Variants in ARMC3 observed in about 807,000 individuals in gnomAD.
The protein encoded by ARMC3 is armadillo repeat containing 3, also known as armadillo repeat-containing protein 3.
In ARMC3, 74 loss-of-function variants were observed where a neutral mutation model predicts 90.3. That is an observed-to-expected ratio of 0.82 (90% CI 0.68 to 0.99). The LOEUF (loss-of-function observed/expected upper bound fraction) is 0.99, where lower values mean the gene tolerates loss of function less well. Among genes scored for constraint, ARMC3 ranks in the 50% least tolerant of loss-of-function variants. The probability of loss-of-function intolerance (pLI) is 0.00; values close to 1 mark genes in which losing one functional copy is unlikely to be tolerated. For synonymous variants in ARMC3, 334 were observed against 361.8 expected, an observed-to-expected ratio of 0.92 and a Z score of 0.87; for missense variants, 958 against 1,042.8, an observed-to-expected ratio of 0.92 and a Z score of 1.12.
intron 10 of ARMC3, among the ~76,000 whole-genome samples, chr10:22,986,002 C>T (rs1322467404): frequency 6.6e-6 from 1 of 152,004 alleles, no homozygotes; most frequent in Non-Finnish European, 1.5e-5. Context: ...AACGCTCCTT[C>T]CCTGCTGCCC....
At chr10:23,012,636 T>C (rs547235219) in intron 16 of ARMC3, among the ~76,000 whole-genome samples, 5 of 152,170 alleles carry the variant, frequency 3.3e-5, no homozygotes, top group Non-Finnish European at 5.9e-5. Flanking sequence ...CAATCACCCA[T>C]GCCTAGGAAC....
chr10:23,030,950 C>T, intron 17 of ARMC3, 154 bp downstream of exon 17: 1 of 839,572 alleles, frequency 1.2e-6, no homozygotes, highest in Non-Finnish European at 1.8e-6. Flanking sequence ...TGGAAAAGTC[C>T]TCAACTTCTA....
At chr10:22,992,970 T>C (rs1434530655) in intron 10 of ARMC3, among the ~76,000 whole-genome samples, 1 of 133,752 alleles carries the variant, frequency 7.5e-6, no homozygotes, top group Non-Finnish European at 1.6e-5. Context: ...CGCCAATATG[T>C]CTTCCTTGGT....
chr10:23,028,353 A>C (rs940681239), intron 16 of ARMC3, among the ~76,000 whole-genome samples: 1 of 116,268 alleles, frequency 8.6e-6, no homozygotes, highest in Admixed American at 9.2e-5. Flanking sequence ...ATTTATTTCT[A>C]AGATTTTTAT....
chr10:22,965,726 TTAAA>T (rs1484821117), intron 7 of ARMC3, among the ~76,000 whole-genome samples: 1 of 152,204 alleles, frequency 6.6e-6, no homozygotes, highest in Non-Finnish European at 1.5e-5. Context: ...ATTTTTTAGA[TTAAA>T]TAACGTCTTT....
chr10:22,968,105 A>G (rs1835517863), intron 7 of ARMC3, among the ~76,000 whole-genome samples: 1 of 152,198 alleles, frequency 6.6e-6, no homozygotes, highest in African/African-American at 2.4e-5. Flanking sequence ...ATTTTGGAGT[A>G]AGGGAAAGGA....
intron 8 of ARMC3, among the ~76,000 whole-genome samples, chr10:22,970,245 G>A (rs1835623555): frequency 6.6e-6 from 1 of 152,192 alleles, no homozygotes. Context: ...GGTCAAAGAA[G>A]GTTCAGATGG....
intron 16 of ARMC3, among the ~76,000 whole-genome samples, chr10:23,010,202 C>G (rs927307540): frequency 3.4e-5 from 5 of 145,498 alleles, no homozygotes; most frequent in Non-Finnish European, 6.1e-5. Flanking sequence ...TCCTTCCCTT[C>G]CCTCCGCTTC....
intron 2 of ARMC3, among the ~76,000 whole-genome samples, chr10:22,941,167 G>T (rs1037763393): frequency 2.0e-5 from 3 of 152,170 alleles, no homozygotes; most frequent in African/African-American, 7.2e-5. Context: ...GAAGAAAGGA[G>T]ATCAGTGGTT....
intron 2 of ARMC3, among the ~76,000 whole-genome samples, chr10:22,935,325 A>G (rs149031877): frequency 2.4e-3 from 367 of 152,318 alleles, no homozygotes; most frequent in Non-Finnish European, 3.9e-3. Context: ...TCAACCTTTC[A>G]TTCTTTGTCA....
At chr10:22,972,237 G>A (rs1835711969) in intron 8 of ARMC3, among the ~76,000 whole-genome samples, 1 of 152,168 alleles carries the variant, frequency 6.6e-6, no homozygotes, top group Admixed American at 6.5e-5. Flanking sequence ...TTTGCTGTTG[G>A]TGTCATATCC....
chr10:23,017,131 C>T (rs1232107256), intron 16 of ARMC3, among the ~76,000 whole-genome samples: 1 of 151,652 alleles, frequency 6.6e-6, no homozygotes, highest in African/African-American at 2.4e-5. Flanking sequence ...CTGGGAAATA[C>T]TAACTTTTGC....
In ARMC3 at chr10:23,038,116, A is replaced by T. The variant is rs148154773; in HGVS notation, c.*637A>T. On this transcript the variant is annotated 3_prime_UTR_variant, in exon 19 of 19. Coordinates refer to ENST00000298032, the MANE Select transcript of ARMC3 (RefSeq NM_173081.5). ...ATCTTGTCTGTGTTAGCTTGGAAAC[A>T]TACCTTCAGCTAAAAACAATTCTGA... The T allele has an allele frequency of 6.6e-6, 1 of 152,348 alleles. No homozygotes were observed. Among genetic ancestry groups the T allele is most frequent in the East Asian group, 1.9e-4 (1 of 5,192 alleles). 9.4% of individuals were successfully genotyped at this position (152,348 alleles called of 1,614,324 possible). A position where few individuals can be genotyped will look rare whatever the true frequency, so the allele number is the denominator to read the frequency against.
rs555171474 is a variant in ARMC3 at position 22,968,824 on chromosome 10, C to T, written c.916+335C>T. On this transcript the variant is annotated intron_variant, in intron 8 of 18. Transcript: ENST00000298032. Reference sequence around the variant, plus strand: ...TTATATAAACAAAACATATATAATTCCTCTTGTCTCAATTTTGATTAGTAC... The same window carrying T: ...TTATATAAACAAAACATATATAATTTCTCTTGTCTCAATTTTGATTAGTAC... Among the ~76,000 whole-genome samples the T allele has an allele frequency of 1.8e-4, 28 of 152,230 alleles. 1 individual carries two copies. The East Asian group carries it at 5.2e-3, about 28-fold the overall frequency.
chr10:23,003,194 A>C (rs1837398684), intron 12 of ARMC3, 52 bp from the exon 13 acceptor site: 8 of 1,514,076 alleles, frequency 5.3e-6, no homozygotes, highest in Non-Finnish European at 7.1e-6. Context: ...GTGGAGACTC[A>C]GTATTGGATG....
intron 7 of ARMC3, among the ~76,000 whole-genome samples, chr10:22,967,764 T>G (rs2131287984): frequency 6.6e-6 from 1 of 152,324 alleles, no homozygotes; most frequent in East Asian, 1.9e-4. Context: ...GTGAGTTCCT[T>G]CCCTTCATGA....
At chr10:22,974,943 ACT>A (rs1209364021) in intron 8 of ARMC3, among the ~76,000 whole-genome samples, 30 of 152,042 alleles carry the variant, frequency 2.0e-4, no homozygotes, top group Non-Finnish European at 3.4e-4. Flanking sequence ...CCTGGCCAAG[ACT>A]CTCTTTTTTA....
chr10:23,027,521 G>C (rs748471729), intron 16 of ARMC3, among the ~76,000 whole-genome samples: 10 of 152,092 alleles, frequency 6.6e-5, no homozygotes, highest in Non-Finnish European at 1.3e-4. Context: ...ATTTATAGTA[G>C]TTTTTTTGGA....
At chr10:22,928,310 A>G (rs1833795283) in intron 1 of ARMC3, among the ~76,000 whole-genome samples, 1 of 152,176 alleles carries the variant, frequency 6.6e-6, no homozygotes, top group African/African-American at 2.4e-5. Context: ...CCCATTCAAC[A>G]GGTGACAAAA....
Sources: gnomAD v4.1 joint callset for allele counts (sites outside exome capture counted in the v4.1 genomes callset) on GRCh38, gnomAD v4.1.1 for gene constraint, MANE v1.5 for transcripts, NCBI Gene and HGNC (gene_info 2026-07-23, HGNC 2026-07-21) for gene names.